Variants in PUS7L observed in about 807,000 individuals in gnomAD.
PUS7L encodes the protein pseudouridylate synthase PUS7L.
In PUS7L, 49 loss-of-function variants were observed where a neutral mutation model predicts 51.1. The ratio of observed to expected loss-of-function variants is 0.96; its 90% CI spans 0.76 to 1.22. PUS7L has a LOEUF of 1.22. PUS7L is among the 50% of genes most tolerant of loss of function. The pLI is 0.00. For synonymous variants in PUS7L, 277 were observed against 276.2 expected (o/e 1.00, Z -0.03); for missense variants, 828 against 820.6 (o/e 1.01, Z -0.11).
intron 6 of PUS7L, 164 bp downstream of exon 6, chr12:43,738,146 G>C: frequency 5.7e-6 from 3 of 530,068 alleles, no homozygotes; most frequent in Non-Finnish European, 9.9e-6. Flanking sequence ...GACCAAAAAC[G>C]AAGTGAGTGC....
chr12:43,755,368 C>T (rs1592185943), intron 1 of PUS7L, 107 bp from the exon 2 acceptor site: 2 of 655,202 alleles, frequency 3.1e-6, no homozygotes, highest in East Asian at 5.5e-5. Context: ...TCTTTTAATT[C>T]TGAGTCTTCT....
chr12:43,736,516 A>G lies in PUS7L; in HGVS notation c.1590T>C (p.Tyr530=), dbSNP rs761650577. Residue 530 remains tyrosine, a synonymous_variant, in exon 7 of 9, where the codon TAT becomes TAC. Transcript: ENST00000344862. ...AAATTTTGCTGGTATATGCGTGAACATAGAATATGCGCATGGAATGGGGTA... is the reference window on the plus strand; with the variant it reads ...AAATTTTGCTGGTATATGCGTGAACGTAGAATATGCGCATGGAATGGGGTA... The part of the protein sequence containing the change: ...FSLPHSMRIF[Y]VHAYTSKIWN... 6.2e-7 allele frequency: 1 copy of G among 1,614,210 alleles called. No individual in the cohort carries two copies. The highest frequency in any genetic ancestry group is 8.5e-7 in the Non-Finnish European group (1 of 1,180,032).
chr12:43,748,326 G>A, intron 3 of PUS7L, 124 bp downstream of exon 3: 1 of 562,532 alleles, frequency 1.8e-6, no homozygotes, highest in Non-Finnish European at 3.0e-6. Context: ...CATGATTTAT[G>A]AGACACTTTT....
chr12:43,756,327 G>A (rs1225498499), intron 1 of PUS7L, among the ~76,000 whole-genome samples: 1 of 152,010 alleles, frequency 6.6e-6, no homozygotes, highest in Non-Finnish European at 1.5e-5. Flanking sequence ...TTCTTCTTCA[G>A]TCCTCTCAAG....
At chr12:43,730,760 T>C (rs2137659384) in intron 8 of PUS7L, 58 bp from the exon 9 acceptor site, 1 of 1,153,072 alleles carries the variant, frequency 8.7e-7, no homozygotes, top group Middle Eastern at 2.0e-4. Context: ...TACATGATCA[T>C]ATTTTTAATG....
At chr12:43,735,199 C>A (rs1944656672) in intron 7 of PUS7L, among the ~76,000 whole-genome samples, 1 of 151,932 alleles carries the variant, frequency 6.6e-6, no homozygotes, top group Non-Finnish European at 1.5e-5. Flanking sequence ...CATCTGTAGT[C>A]CCAGCTACTT....
At position 43,727,579 on chromosome 12, in the gene PUS7L, G is replaced by C. The variant is rs1387504887; in HGVS notation, c.*2797C>G. ...CCATTATTGTAAGCAAATTAATGCAGGAACAGAAAACCAAATACCAAATGT... is the reference window on the plus strand; with the variant it reads ...CCATTATTGTAAGCAAATTAATGCACGAACAGAAAACCAAATACCAAATGT... On this transcript the variant is annotated 3_prime_UTR_variant, in exon 9 of 9. Transcript: ENST00000344862. 4 of 152,090 alleles carry C rather than the reference G, an allele frequency of 2.6e-5. No individual in the cohort carries two copies. Among genetic ancestry groups the C allele is most frequent in the Non-Finnish European group, 5.9e-5 (4 of 68,018 alleles). 9.4% of individuals were successfully genotyped at this position (152,090 alleles called of 1,614,324 possible). A position where few individuals can be genotyped will look rare whatever the true frequency, so the allele number is the denominator to read the frequency against.
intron 1 of PUS7L, 72 bp downstream of exon 1, chr12:43,758,658 C>A (rs932300091): frequency 2.9e-6 from 2 of 700,882 alleles, no homozygotes; most frequent in South Asian, 7.6e-5. Flanking sequence ...CTCGTCACCC[C>A]CCCCCCCCAC....
chr12:43,750,764 A>G (rs527974512), intron 2 of PUS7L, among the ~76,000 whole-genome samples: 72 of 152,156 alleles, frequency 4.7e-4, no homozygotes, highest in Non-Finnish European at 7.8e-4. Flanking sequence ...AAATACTCTA[A>G]TTTTCTGCCT....
At chr12:43,735,086 C>T (rs1366458142) in intron 7 of PUS7L, among the ~76,000 whole-genome samples, 9 of 151,856 alleles carry the variant, frequency 5.9e-5, no homozygotes, top group African/African-American at 1.2e-4. Flanking sequence ...GAGGCCGAGG[C>T]GGGTGGATCA....
intron 6 of PUS7L, chr12:43,737,983 C>T (rs542971452): frequency 4.4e-6 from 1 of 225,436 alleles, no homozygotes; most frequent in Non-Finnish European, 8.7e-6. Context: ...GTTTGTATCT[C>T]CCCCAGCTGC....
chr12:43,734,554 A>G (rs573819772), intron 7 of PUS7L, among the ~76,000 whole-genome samples: 1 of 152,288 alleles, frequency 6.6e-6, no homozygotes, highest in African/African-American at 2.4e-5. Flanking sequence ...TCTGACATTA[A>G]TTTAGATAAA....
chr12:43,755,223 C>T lies in PUS7L; in HGVS notation c.23G>A (p.Arg8Lys). The T allele has an allele frequency of 6.2e-7, 1 of 1,600,172 alleles. No individual in the cohort carries two copies. Among genetic ancestry groups the T allele is most frequent in the South Asian group, 1.1e-5 (1 of 89,126 alleles). Residue 8 changes from arginine (R) to lysine (K), a missense_variant, in exon 2 of 9, where the codon AGA (arginine) becomes AAA (lysine). Transcript: ENST00000344862. MEEDTDY[R>K]IRFSSLCFFN... ...GAAACACAAAGAACTAAACCTGATT[C>T]TATAATCTGTATCTTCTTCCATTCT... is the stretch of plus-strand genomic sequence containing the variant.
intron 1 of PUS7L, 125 bp from the exon 2 acceptor site, chr12:43,755,386 T>C (rs974648601): frequency 5.0e-5 from 30 of 602,278 alleles, no homozygotes; most frequent in East Asian, 1.4e-4. Context: ...TCTTAAATGG[T>C]ATCATTAACT....
chr12:43,727,598 C>G lies in PUS7L; in HGVS notation c.*2778G>C, dbSNP rs1036936702. On this transcript the variant is annotated 3_prime_UTR_variant, in exon 9 of 9. Transcript: ENST00000344862. ...AATGCAGGAACAGAAAACCAAATAC[C>G]AAATGTTCTTACTCATAAGTGGGAG... The G allele has an allele frequency of 6.6e-6, 1 of 152,010 alleles. No homozygotes were observed. The highest frequency in any genetic ancestry group is 1.5e-5 in the Non-Finnish European group (1 of 68,012). 9.4% of individuals were successfully genotyped at this position (152,010 alleles called of 1,614,324 possible).
At chr12:43,751,785 A>T (rs550929568) in intron 2 of PUS7L, among the ~76,000 whole-genome samples, 2 of 152,302 alleles carry the variant, frequency 1.3e-5, no homozygotes, top group East Asian at 3.9e-4. Flanking sequence ...TGTCTTCCAC[A>T]ATGGTTGAAC....
chr12:43,749,638 C>A (rs1235452695), intron 2 of PUS7L, among the ~76,000 whole-genome samples: 3 of 152,098 alleles, frequency 2.0e-5, no homozygotes, highest in African/African-American at 7.2e-5. Flanking sequence ...CCACTGCACT[C>A]CAGCCTGGGT....
chr12:43,741,294 C>T (rs560168217), intron 5 of PUS7L, among the ~76,000 whole-genome samples: 1 of 152,304 alleles, frequency 6.6e-6, no homozygotes, highest in East Asian at 1.9e-4. Flanking sequence ...AAATATCTAG[C>T]CCATTCCATC....
intron 6 of PUS7L, 154 bp from the exon 7 acceptor site, chr12:43,736,815 T>A: frequency 5.2e-6 from 3 of 581,838 alleles, no homozygotes; most frequent in South Asian, 3.1e-5. Context: ...TGAAGAGCTT[T>A]AAAAAAAATA....
Sources: gnomAD v4.1 joint callset for allele counts (sites outside exome capture counted in the v4.1 genomes callset) on GRCh38, gnomAD v4.1.1 for gene constraint, MANE v1.5 for transcripts, NCBI Gene and HGNC (gene_info 2026-07-23, HGNC 2026-07-21) for gene names.